HGD: variants seen among roughly 807,000 people sequenced by gnomAD.
HGD encodes homogentisate oxidase.
HGD carries 61 observed loss-of-function variants against 60.8 expected under a neutral mutation model. The ratio of observed to expected loss-of-function variants is 1.00; its 90% confidence interval spans 0.82 to 1.24. The LOEUF (loss-of-function observed/expected upper bound fraction) is 1.24, where lower values mean the gene tolerates loss of function less well. Ranked by LOEUF, HGD falls within the 50% of genes most tolerant of loss-of-function variation. HGD has a pLI of 0.00. For missense variants in HGD, 542 were observed against 547.1 expected, an observed-to-expected ratio of 0.99 and a Z score of 0.09; for synonymous variants, 212 against 187.7, an observed-to-expected ratio of 1.13 and a Z score of -1.06.
intron 1 of HGD, among the ~76,000 whole-genome samples, chr3:120,679,705 T>C (rs926117420): frequency 2.2e-4 from 34 of 152,156 alleles, no homozygotes; most frequent in Admixed American, 1.8e-3. Context: ...ATACATTTTT[T>C]TGAAGATCGA....
intron 4 of HGD, among the ~76,000 whole-genome samples, chr3:120,656,401 T>C (rs1045442555): frequency 5.9e-5 from 9 of 152,224 alleles, no homozygotes; most frequent in African/African-American, 1.2e-4. Flanking sequence ...AATTTACTTA[T>C]TAAACATTTC....
chr3:120,665,168 C>T (rs1373432116), intron 4 of HGD, among the ~76,000 whole-genome samples: 1 of 152,172 alleles, frequency 6.6e-6, no homozygotes, highest in African/African-American at 2.4e-5. Flanking sequence ...AGCAAATACC[C>T]TGTAAGGGTA....
intron 12 of HGD, among the ~76,000 whole-genome samples, chr3:120,636,922 ATTTGTT>A (rs779463594): frequency 1.3e-5 from 2 of 152,150 alleles, no homozygotes; most frequent in African/African-American, 2.4e-5. Context: ...AAAGAAAGGA[ATTTGTT>A]TTCTAGAATG....
chr3:120,631,787 G>A (rs189157225), intron 13 of HGD, among the ~76,000 whole-genome samples: 3 of 152,288 alleles, frequency 2.0e-5, no homozygotes, highest in Admixed American at 6.5e-5. Flanking sequence ...TGGACCCTCC[G>A]CCATCAGGTA....
intron 4 of HGD, among the ~76,000 whole-genome samples, chr3:120,654,380 C>T (rs1941432537): frequency 6.6e-6 from 1 of 152,042 alleles, no homozygotes; most frequent in South Asian, 2.1e-4. Flanking sequence ...AAGGTAGGGC[C>T]CAGACATCGG....
In HGD at chr3:120,637,224, C is replaced by A. The variant is rs148369937; in HGVS notation, c.1006+1231G>T. Among the ~76,000 whole-genome samples the A allele has an allele frequency of 4.4e-4, 64 of 146,024 alleles. 2 individuals are homozygous for A. Among genetic ancestry groups the A allele is most frequent in the Admixed American group, 3.3e-3 (48 of 14,496 alleles). On this transcript the variant is annotated intron_variant, in intron 12 of 13. Transcript: ENST00000283871. The stretch of plus-strand genomic sequence containing the variant: ...GTTTGCTCTGGTATCAGACAGCCTG[C>A]AATTAAATCCTGACTCTACACTTAA...
intron 1 of HGD, among the ~76,000 whole-genome samples, chr3:120,681,527 A>G (rs975100056): frequency 1.3e-5 from 2 of 152,178 alleles, no homozygotes; most frequent in Non-Finnish European, 1.5e-5. Flanking sequence ...ACCTCTCTCT[A>G]TACCCCAGAT....
chr3:120,641,575 G>T lies in HGD; in HGVS notation c.879+14C>A. 1.3e-6 allele frequency: 2 copies of T among 1,569,710 alleles called. No homozygotes were observed. The highest frequency in any genetic ancestry group is 1.1e-5 in the South Asian group (1 of 90,172). On this transcript the variant is annotated intron_variant, in intron 11 of 13. Coordinates refer to ENST00000283871, the MANE Select transcript of HGD (RefSeq NM_000187.4). The stretch of plus-strand genomic sequence containing the variant: ...GTTGCCTCATCCCAAGGCCCCTACA[G>T]GGTTCAGACTTACTGCATGGTCAAA...
chr3:120,663,235 A>C (rs909099858), intron 4 of HGD, among the ~76,000 whole-genome samples: 1 of 152,120 alleles, frequency 6.6e-6, no homozygotes, highest in African/African-American at 2.4e-5. Context: ...AGGGGAAGAG[A>C]GAGAGTAAGT....
At position 120,630,843 on chromosome 3, in the gene HGD, T is replaced by TACACACAC. The variant is rs111540631; in HGVS notation, c.1188+2296_1188+2303dup. 3.8e-3 allele frequency among the ~76,000 whole-genome samples: 448 copies of TACACACAC among 116,650 alleles called. 2 individuals are homozygous for TACACACAC. The highest frequency in any genetic ancestry group is 0.013 in the Middle Eastern group (3 of 234). 76.5% of individuals were successfully genotyped at this position (116,650 alleles called of 152,430 possible). A position where few individuals can be genotyped will look rare whatever the true frequency, so the allele number is the denominator to read the frequency against. On this transcript the variant is annotated intron_variant, in intron 13 of 13. Coordinates refer to ENST00000283871, the MANE Select transcript of HGD (RefSeq NM_000187.4). The stretch of plus-strand genomic sequence containing the variant: ...ATATATATACACATACACACACACA[T>TACACACAC]ACACACACACACACACACACACACA...
At position 120,647,132 on chromosome 3, in the gene HGD, G is replaced by A. The variant is rs1299817253; in HGVS notation, c.470-80C>T. 62 of 1,103,542 alleles carry A rather than the reference G, an allele frequency of 5.6e-5. No homozygotes were observed. In the South Asian group the frequency reaches 7.2e-4, roughly 13 times the overall value. 68.4% of individuals were successfully genotyped at this position (1,103,542 alleles called of 1,614,324 possible). ...TCATGAACAGGAAAGGCTTAAGGCTGCATTTGCTTTTCCATTCCAAATGCA... is the reference window on the plus strand; with the variant it reads ...TCATGAACAGGAAAGGCTTAAGGCTACATTTGCTTTTCCATTCCAAATGCA... On this transcript the variant is annotated intron_variant, in intron 7 of 13. Transcript: ENST00000283871.
At chr3:120,642,958 T>G (rs1312376500) in intron 10 of HGD, among the ~76,000 whole-genome samples, 1 of 152,206 alleles carries the variant, frequency 6.6e-6, no homozygotes, top group East Asian at 1.9e-4. Flanking sequence ...CAGGGTCCAC[T>G]TGGAAAGTGC....
chr3:120,652,308 C>T (rs1473042236), intron 5 of HGD, among the ~76,000 whole-genome samples: 1 of 151,654 alleles, frequency 6.6e-6, no homozygotes, highest in Non-Finnish European at 1.5e-5. Flanking sequence ...AGGTTAAAAG[C>T]CCCCGTTCTA....
At chr3:120,661,213 C>T (rs1559795347) in intron 4 of HGD, among the ~76,000 whole-genome samples, 1 of 152,144 alleles carries the variant, frequency 6.6e-6, no homozygotes. Flanking sequence ...CTCCTTGGCT[C>T]CTAAACCCAA....
At chr3:120,632,944 C>T (rs804974) in intron 13 of HGD, among the ~76,000 whole-genome samples, 36,471 of 152,072 alleles carry the variant, frequency 0.24, 5,473 homozygotes, top group African/African-American at 0.42. Flanking sequence ...CCAAGTCCAA[C>T]GATCTTTCTA....
At chr3:120,652,302 T>C (rs1411602278) in intron 5 of HGD, among the ~76,000 whole-genome samples, 1 of 152,026 alleles carries the variant, frequency 6.6e-6, no homozygotes, top group African/African-American at 2.4e-5. Context: ...AGAAAAAGGT[T>C]AAAAGCCCCC....
intron 10 of HGD, among the ~76,000 whole-genome samples, chr3:120,642,369 G>A (rs1180363174): frequency 6.6e-6 from 1 of 152,168 alleles, no homozygotes; most frequent in African/African-American, 2.4e-5. Context: ...GAAATGTTGA[G>A]GTATCTGAGC....
chr3:120,651,493 A>G (rs1441428099), intron 5 of HGD, among the ~76,000 whole-genome samples: 1 of 152,216 alleles, frequency 6.6e-6, no homozygotes, highest in Admixed American at 6.5e-5. Context: ...GATATCTACA[A>G]TTCACACAAG....
chr3:120,629,530 T>C lies in HGD; in HGVS notation c.1189-1001A>G, dbSNP rs1940519203. On this transcript the variant is annotated intron_variant, in intron 13 of 13. Coordinates refer to ENST00000283871, the MANE Select transcript of HGD (RefSeq NM_000187.4). ...TCATATGGAAGTGCTATGCAAGTTA[T>C]ACAGTGCTATTCAAGATGCAGAAAA... Among the ~76,000 whole-genome samples, 6 of 152,158 alleles carry C rather than the reference T, an allele frequency of 3.9e-5. 1 individual carries two copies. The South Asian group carries it at 1.0e-3, about 26-fold the overall frequency.
Sources: gnomAD v4.1 joint callset for allele counts (sites outside exome capture counted in the v4.1 genomes callset) on GRCh38, gnomAD v4.1.1 for gene constraint, MANE v1.5 for transcripts, NCBI Gene and HGNC (gene_info 2026-07-23, HGNC 2026-07-21) for gene names.